The following ANO10 variants were observed in gnomAD, a reference collection of about 807,000 sequenced individuals.
ANO10 encodes the protein anoctamin-10.
ANO10 carries 77 observed loss-of-function variants against 74.7 expected under a neutral mutation model. The observed-to-expected ratio is 1.03, with a 90% CI of 0.86 to 1.25. ANO10 has a LOEUF of 1.25. Among genes scored for constraint, ANO10 ranks in the 50% most tolerant of loss-of-function variants. The pLI is 0.00. For missense variants in ANO10, 721 were observed against 778.1 expected (o/e 0.93, Z 0.87); for synonymous variants, 279 against 284.9 (o/e 0.98, Z 0.21).
intron 12 of ANO10, among the ~76,000 whole-genome samples, chr3:43,386,394 G>A (rs2092117960): frequency 7.2e-6 from 1 of 137,986 alleles, no homozygotes; most frequent in Non-Finnish European, 1.6e-5. Flanking sequence ...GAAAGGGGAA[G>A]GGAAAGGAAA....
intron 1 of ANO10, among the ~76,000 whole-genome samples, chr3:43,686,872 A>AT (rs2084281850): frequency 6.6e-6 from 1 of 152,188 alleles, no homozygotes; most frequent in African/African-American, 2.4e-5. Context: ...GAACACAGGC[A>AT]TAACTAGGAG....
intron 1 of ANO10, among the ~76,000 whole-genome samples, chr3:43,676,318 C>T (rs1157985242): frequency 6.6e-6 from 1 of 151,576 alleles, no homozygotes; most frequent in African/African-American, 2.4e-5. Context: ...AAAAAAATAG[C>T]TAGGCATGGT....
chr3:43,530,874 ATGTGTGTG>A (rs140115664), intron 11 of ANO10, among the ~76,000 whole-genome samples: 1 of 150,830 alleles, frequency 6.6e-6, no homozygotes, highest in Non-Finnish European at 1.5e-5. Context: ...GCTGGGACTA[ATGTGTGTG>A]TGTGTGTGTA....
chr3:43,646,433 C>T (rs1199588330), intron 1 of ANO10, among the ~76,000 whole-genome samples: 1 of 152,130 alleles, frequency 6.6e-6, no homozygotes, highest in African/African-American at 2.4e-5. Flanking sequence ...ATTGTGAATT[C>T]GTCTTTGAGT....
intron 1 of ANO10, among the ~76,000 whole-genome samples, chr3:43,629,282 T>TAAGAATTGATCA (rs1389694834): frequency 6.6e-6 from 1 of 152,250 alleles, no homozygotes; most frequent in African/African-American, 2.4e-5. Context: ...TATAATTAAG[T>TAAGAATTGATCA]AAGAATTGAT....
intron 1 of ANO10, among the ~76,000 whole-genome samples, chr3:43,610,581 G>C (rs529689842): frequency 6.6e-6 from 1 of 152,258 alleles, no homozygotes; most frequent in South Asian, 2.1e-4. Flanking sequence ...CAGGTGACAC[G>C]AATTTCTCAG....
At chr3:43,408,266 T>C (rs1473777712) in intron 12 of ANO10, among the ~76,000 whole-genome samples, 1 of 152,076 alleles carries the variant, frequency 6.6e-6, no homozygotes, top group Non-Finnish European at 1.5e-5. Flanking sequence ...TCATAGAGAG[T>C]TCTCAAATGA....
intron 11 of ANO10, among the ~76,000 whole-genome samples, chr3:43,536,165 T>G (rs1353801551): frequency 6.6e-6 from 1 of 152,232 alleles, no homozygotes; most frequent in Non-Finnish European, 1.5e-5. Context: ...AATGTAACAT[T>G]CCAAGTTGTT....
intron 1 of ANO10, among the ~76,000 whole-genome samples, chr3:43,682,946 T>C (rs1011342864): frequency 6.6e-6 from 1 of 152,172 alleles, no homozygotes; most frequent in African/African-American, 2.4e-5. Flanking sequence ...TAATAAGAGC[T>C]ATCTATGACA....
At chr3:43,376,003 T>C (rs17075630) in intron 12 of ANO10, among the ~76,000 whole-genome samples, 21,607 of 152,164 alleles carry the variant, frequency 0.14, 2,885 homozygotes, top group African/African-American at 0.35. Flanking sequence ...GGAAAGAGAA[T>C]GGAAGGAGCC....
At chr3:43,442,222 A>C (rs551189340) in intron 11 of ANO10, among the ~76,000 whole-genome samples, 13 of 152,206 alleles carry the variant, frequency 8.5e-5, no homozygotes, top group African/African-American at 3.1e-4. Flanking sequence ...ATTGGAAAGT[A>C]GTAAAATTAT....
chr3:43,368,814 T>C (rs2091501581), intron 12 of ANO10, among the ~76,000 whole-genome samples: 1 of 152,110 alleles, frequency 6.6e-6, no homozygotes, highest in Non-Finnish European at 1.5e-5. Flanking sequence ...CCCAAGTAGC[T>C]GGGACTACGG....
At chr3:43,475,021 T>G (rs139854640) in intron 11 of ANO10, among the ~76,000 whole-genome samples, 124 of 152,330 alleles carry the variant, frequency 8.1e-4, no homozygotes, top group African/African-American at 2.8e-3. Context: ...CAAATCTTAA[T>G]AGCCAGAGAA....
intron 12 of ANO10, among the ~76,000 whole-genome samples, chr3:43,382,447 A>C (rs1302797353): frequency 6.6e-6 from 1 of 150,418 alleles, no homozygotes; most frequent in East Asian, 2.0e-4. Flanking sequence ...TGAACCCGGG[A>C]GGCGGAGCTT....
At chr3:43,550,437 G>A (rs1026506298) in intron 10 of ANO10, among the ~76,000 whole-genome samples, 7 of 152,028 alleles carry the variant, frequency 4.6e-5, no homozygotes, top group African/African-American at 1.2e-4. Flanking sequence ...GGAGACTTTG[G>A]TGCATACTGC....
intron 11 of ANO10, among the ~76,000 whole-genome samples, chr3:43,474,169 A>C (rs1292197090): frequency 6.6e-6 from 1 of 152,198 alleles, no homozygotes; most frequent in Non-Finnish European, 1.5e-5. Context: ...TATAAGACTG[A>C]TTACACGTGG....
At chr3:43,686,114 TC>T (rs1322353276) in intron 1 of ANO10, among the ~76,000 whole-genome samples, 1 of 152,118 alleles carries the variant, frequency 6.6e-6, no homozygotes, top group African/African-American at 2.4e-5. Flanking sequence ...ACCATGCTCC[TC>T]TTCCTCATTC....
At chr3:43,397,594 G>A (rs1462595740) in intron 12 of ANO10, among the ~76,000 whole-genome samples, 2 of 152,166 alleles carry the variant, frequency 1.3e-5, no homozygotes, top group African/African-American at 2.4e-5. Flanking sequence ...TCAACACCTC[G>A]TGTATTCCGA....
chr3:43,678,548 T>C (rs1279870218), intron 1 of ANO10, among the ~76,000 whole-genome samples: 1 of 152,182 alleles, frequency 6.6e-6, no homozygotes, highest in Non-Finnish European at 1.5e-5. Context: ...TACCGGTGCA[T>C]GCAGCCCGCA....
Sources: allele counts gnomAD v4.1 joint callset (sites outside exome capture counted in the v4.1 genomes callset), GRCh38; gene constraint gnomAD v4.1.1; transcripts MANE v1.5; gene names NCBI Gene and HGNC (gene_info 2026-07-23, HGNC 2026-07-21).